DIP2C: variants seen among roughly 807,000 people sequenced by gnomAD.
DIP2C encodes disco-interacting protein 2 homolog C.
In DIP2C, 33 loss-of-function variants were observed where a neutral mutation model predicts 192.4. The observed-to-expected ratio is 0.17, with a 90% CI of 0.13 to 0.23. The LOEUF (loss-of-function observed/expected upper bound fraction) is 0.23, where lower values mean the gene tolerates loss of function less well. Ranked by LOEUF, DIP2C falls within the 10% of genes least tolerant of loss-of-function variation. The pLI is 1.00. For missense variants in DIP2C, 1,537 were observed against 2,110.1 expected (o/e 0.73, Z 5.32); for synonymous variants, 979 against 864.1 (o/e 1.13, Z -2.33).
chr10:351,675 GACA>G (rs1164392461), intron 24 of DIP2C, among the ~76,000 whole-genome samples: 3 of 152,242 alleles, frequency 2.0e-5, no homozygotes, highest in Non-Finnish European at 4.4e-5. Context: ...GATGGGCAGA[GACA>G]ACAAGGAACG....
At chr10:431,389 A>G (rs560232735) in intron 4 of DIP2C, among the ~76,000 whole-genome samples, 1 of 152,322 alleles carries the variant, frequency 6.6e-6, no homozygotes, top group African/African-American at 2.4e-5. Flanking sequence ...GATCTTGAAC[A>G]TATTTTGTTA....
intron 4 of DIP2C, among the ~76,000 whole-genome samples, chr10:424,052 G>A (rs1173715091): frequency 2.0e-5 from 3 of 152,004 alleles, no homozygotes; most frequent in Non-Finnish European, 4.4e-5. Flanking sequence ...AAGGTTTTTG[G>A]GAATAAATTG....
intron 1 of DIP2C, among the ~76,000 whole-genome samples, chr10:633,393 C>T (rs1035909705): frequency 3.3e-5 from 5 of 151,822 alleles, no homozygotes; most frequent in African/African-American, 4.8e-5. Context: ...GAGGCGGTGC[C>T]GCAGAGCGGA....
chr10:487,972 C>T (rs189472218), intron 1 of DIP2C, among the ~76,000 whole-genome samples: 64 of 152,336 alleles, frequency 4.2e-4, no homozygotes, highest in Admixed American at 4.2e-3. Context: ...CATCAGCTGC[C>T]CACTACGGAG....
At chr10:341,861 A>AGT (rs1209002980) in intron 28 of DIP2C, among the ~76,000 whole-genome samples, 1 of 152,150 alleles carries the variant, frequency 6.6e-6, no homozygotes, top group Non-Finnish European at 1.5e-5. Context: ...TGGACAACGG[A>AGT]GTGAGACCCT....
At chr10:387,305 T>C (rs1963038581) in intron 14 of DIP2C, among the ~76,000 whole-genome samples, 1 of 152,238 alleles carries the variant, frequency 6.6e-6, no homozygotes, top group African/African-American at 2.4e-5. Context: ...GTGGTGCAGT[T>C]GTGAACCACG....
chr10:635,575 G>T (rs907418937), intron 1 of DIP2C, among the ~76,000 whole-genome samples: 1 of 152,232 alleles, frequency 6.6e-6, no homozygotes, highest in Non-Finnish European at 1.5e-5. Flanking sequence ...AGAAGCGGCC[G>T]CGCAGTGTGG....
intron 1 of DIP2C, among the ~76,000 whole-genome samples, chr10:614,963 C>T (rs1486362144): frequency 6.6e-6 from 1 of 152,246 alleles, no homozygotes; most frequent in Non-Finnish European, 1.5e-5. Context: ...AGACAAGAGA[C>T]AATGACACCC....
intron 10 of DIP2C, among the ~76,000 whole-genome samples, chr10:393,806 AGAAAAAGAAAAAGGAAAAGG>A (rs1963704916): frequency 6.9e-6 from 1 of 145,008 alleles, no homozygotes; most frequent in Non-Finnish European, 1.5e-5. Flanking sequence ...AGAAAAAAAA[AGAAAAAGAAAAAGGAAAAGG>A]AAAAAAAAAA....
At chr10:533,442 T>A (rs1314848736) in intron 1 of DIP2C, among the ~76,000 whole-genome samples, 1 of 152,120 alleles carries the variant, frequency 6.6e-6, no homozygotes, top group Non-Finnish European at 1.5e-5. Context: ...CTTGTTTCTC[T>A]CAAGGACAAA....
intron 1 of DIP2C, among the ~76,000 whole-genome samples, chr10:535,521 T>C: frequency 6.6e-6 from 1 of 152,106 alleles, no homozygotes; most frequent in South Asian, 2.1e-4. Flanking sequence ...TCTGTAGTGT[T>C]TCCTGTTACC....
At chr10:599,833 C>G (rs944299428) in intron 1 of DIP2C, among the ~76,000 whole-genome samples, 1 of 152,204 alleles carries the variant, frequency 6.6e-6, no homozygotes, top group African/African-American at 2.4e-5. Flanking sequence ...ACAGACTTTC[C>G]TCCATGCACT....
intron 9 of DIP2C, among the ~76,000 whole-genome samples, chr10:401,869 G>T (rs886804210): frequency 6.6e-6 from 1 of 151,516 alleles, no homozygotes. Context: ...TTATGGACAA[G>T]TTTGGTACAT....
chr10:562,103 T>C (rs898880403), intron 1 of DIP2C, among the ~76,000 whole-genome samples: 1 of 152,268 alleles, frequency 6.6e-6, no homozygotes, highest in African/African-American at 2.4e-5. Context: ...CATCTTTTGC[T>C]ACTCCAAAGG....
chr10:670,298 A>G (rs111369985), intron 1 of DIP2C, among the ~76,000 whole-genome samples: 92 of 152,256 alleles, frequency 6.0e-4, no homozygotes, highest in African/African-American at 2.2e-3. Context: ...ACATGCACAC[A>G]CATACGCACA....
intron 28 of DIP2C, among the ~76,000 whole-genome samples, chr10:344,591 C>T (rs944938835): frequency 6.6e-6 from 1 of 152,188 alleles, no homozygotes; most frequent in South Asian, 2.1e-4. Flanking sequence ...ACAGTGTTCA[C>T]ATAAAAACAT....
intron 2 of DIP2C, among the ~76,000 whole-genome samples, chr10:474,314 G>A (rs979033621): frequency 2.0e-5 from 3 of 152,126 alleles, no homozygotes; most frequent in African/African-American, 7.2e-5. Context: ...TCTATCTTAC[G>A]CTTTTCAATG....
intron 17 of DIP2C, among the ~76,000 whole-genome samples, chr10:378,440 TAA>T (rs1333744868): frequency 1.3e-5 from 2 of 152,278 alleles, no homozygotes; most frequent in East Asian, 1.9e-4. Context: ...CAGGCATGCA[TAA>T]AGACACGTGA....
chr10:560,484 G>C (rs1849148269), intron 1 of DIP2C, among the ~76,000 whole-genome samples: 1 of 152,184 alleles, frequency 6.6e-6, no homozygotes, highest in Admixed American at 6.5e-5. Flanking sequence ...CATAATGCCT[G>C]AAACTCGCGG....
Sources: allele counts gnomAD v4.1 joint callset (sites outside exome capture counted in the v4.1 genomes callset), GRCh38; gene constraint gnomAD v4.1.1; transcripts MANE v1.5; gene names NCBI Gene and HGNC (gene_info 2026-07-23, HGNC 2026-07-21).